UGGT1: variants seen among roughly 807,000 people sequenced by gnomAD.
The protein encoded by UGGT1 is UDP-glucose:glycoprotein glucosyltransferase 1.
UGGT1 carries 107 observed loss-of-function variants against 203.9 expected under a neutral mutation model. The ratio of observed to expected loss-of-function variants is 0.52; its 90% CI spans 0.45 to 0.62. The LOEUF (loss-of-function observed/expected upper bound fraction) is 0.62, where lower values mean the gene tolerates loss of function less well. Among genes scored for constraint, UGGT1 ranks in the 20% least tolerant of loss-of-function variants. UGGT1 has a pLI of 0.00. For missense variants in UGGT1, 1,673 were observed against 1,867.2 expected (o/e 0.90, Z 1.92); for synonymous variants, 628 against 653.5 (o/e 0.96, Z 0.59).
At position 128,170,403 on chromosome 2, in the gene UGGT1, T is replaced by C. The variant is rs1691034861; in HGVS notation, c.3024+13T>C. The C allele has an allele frequency of 1.9e-6, 3 of 1,609,502 alleles. No homozygotes were observed. Among genetic ancestry groups the C allele is most frequent in the Non-Finnish European group, 2.6e-6 (3 of 1,175,874 alleles). The stretch of plus-strand genomic sequence containing the variant: ...TCCTTTGCTCTTGGTAGGAACGCTG[T>C]GCAGGAAGTGTACATCACCTTTGTT... On this transcript the variant is annotated intron_variant, in intron 27 of 40. Coordinates refer to ENST00000259253, the MANE Select transcript of UGGT1 (RefSeq NM_020120.4).
At chr2:128,104,224 GT>G (rs1221760666) in intron 3 of UGGT1, among the ~76,000 whole-genome samples, 5 of 152,084 alleles carry the variant, frequency 3.3e-5, no homozygotes, top group Admixed American at 2.6e-4. Context: ...TGGTACCTTT[GT>G]TTTTTTCCCC....
chr2:128,092,934 A>G (rs974453521), intron 1 of UGGT1, among the ~76,000 whole-genome samples: 2 of 152,228 alleles, frequency 1.3e-5, no homozygotes, highest in Admixed American at 1.3e-4. Context: ...GTTGGCCATT[A>G]TCTCAGACTG....
intron 34 of UGGT1, 88 bp downstream of exon 34, chr2:128,178,657 T>C: frequency 8.9e-7 from 1 of 1,121,380 alleles, no homozygotes; most frequent in South Asian, 1.4e-5. Context: ...GGGATTCTGC[T>C]CATTATACTC....
At chr2:128,109,904 C>T (rs757975231) in intron 5 of UGGT1, among the ~76,000 whole-genome samples, 158 bp downstream of exon 5, 68 of 152,264 alleles carry the variant, frequency 4.5e-4, no homozygotes, top group Non-Finnish European at 6.0e-4. Context: ...ATCTCAGCTC[C>T]GTCACTTAAA....
chr2:128,114,855 A>G (rs1688027505), intron 6 of UGGT1, among the ~76,000 whole-genome samples: 2 of 152,230 alleles, frequency 1.3e-5, no homozygotes, highest in South Asian at 4.1e-4. Flanking sequence ...TAGACTCTGG[A>G]TTGATTTTTA....
rs1246982215 is a variant in UGGT1 at position 128,195,459 on chromosome 2, A to G, written c.*5717A>G. 1 of 152,250 alleles carries G rather than the reference A, an allele frequency of 6.6e-6. No homozygotes were observed. Among genetic ancestry groups the G allele is most frequent in the African/African-American group, 2.4e-5 (1 of 41,472 alleles). 9.4% of individuals were successfully genotyped at this position (152,250 alleles called of 1,614,324 possible). A position where few individuals can be genotyped will look rare whatever the true frequency, so the allele number is the denominator to read the frequency against. On this transcript the variant is annotated 3_prime_UTR_variant, in exon 41 of 41. Coordinates refer to ENST00000259253, the MANE Select transcript of UGGT1 (RefSeq NM_020120.4). ...GTTATAATTTTTAAGGAAACTGTGT[A>G]CTTTAAAAATCTTCTTTATGAATAT...
chr2:128,143,238 T>C lies in UGGT1; in HGVS notation c.1851+13T>C, dbSNP rs1182546108. ...TCGGAATCGGAAGGTAAAAAATTTCTTTGTGTTTCTTATTTGATTGCAACA... is the reference window on the plus strand; with the variant it reads ...TCGGAATCGGAAGGTAAAAAATTTCCTTGTGTTTCTTATTTGATTGCAACA... On this transcript the variant is annotated intron_variant, in intron 17 of 40. Coordinates refer to ENST00000259253, the MANE Select transcript of UGGT1 (RefSeq NM_020120.4). 1.2e-6 allele frequency: 2 copies of C among 1,612,322 alleles called. No homozygotes were observed. Among genetic ancestry groups the C allele is most frequent in the East Asian group, 2.2e-5 (1 of 44,798 alleles).
chr2:128,166,531 G>A (rs1438304024), intron 26 of UGGT1, among the ~76,000 whole-genome samples: 1 of 152,046 alleles, frequency 6.6e-6, no homozygotes, highest in African/African-American at 2.4e-5. Flanking sequence ...ACTGTTTTTT[G>A]TATTTGTTTT....
At chr2:128,096,690 G>A (rs1298417968) in intron 1 of UGGT1, among the ~76,000 whole-genome samples, 1 of 152,308 alleles carries the variant, frequency 6.6e-6, no homozygotes, top group East Asian at 1.9e-4. Flanking sequence ...TTGACATTAC[G>A]AGGTACCGGG....
chr2:128,124,551 CTTTG>C (rs1172430425), intron 11 of UGGT1, among the ~76,000 whole-genome samples: 8 of 151,728 alleles, frequency 5.3e-5, no homozygotes, highest in Non-Finnish European at 2.9e-5. Context: ...TTCTTAAATT[CTTTG>C]TTTGTGTTTC....
intron 26 of UGGT1, among the ~76,000 whole-genome samples, chr2:128,169,727 G>A (rs1337593959): frequency 6.6e-6 from 1 of 152,228 alleles, no homozygotes; most frequent in East Asian, 1.9e-4. Flanking sequence ...TTGTGTAACA[G>A]CATGTGGAAA....
chr2:128,181,154 A>G (rs1409280849), intron 36 of UGGT1, 82 bp downstream of exon 36: 1 of 1,298,252 alleles, frequency 7.7e-7, no homozygotes, highest in Non-Finnish European at 1.1e-6. Flanking sequence ...TTTTCCACTT[A>G]TGGAAAAGGA....
chr2:128,120,293 C>G, intron 8 of UGGT1, 63 bp from the exon 9 acceptor site: 2 of 1,518,640 alleles, frequency 1.3e-6, no homozygotes, highest in Non-Finnish European at 1.8e-6. Context: ...AGTTGGTTTA[C>G]TTCTTCTTAT....
chr2:128,133,074 G>A (rs1688957757), intron 13 of UGGT1, 67 bp from the exon 14 acceptor site: 8 of 1,559,562 alleles, frequency 5.1e-6, no homozygotes, highest in Admixed American at 1.8e-5. Flanking sequence ...AAGTCTTATT[G>A]ATATTATTGC....
intron 11 of UGGT1, among the ~76,000 whole-genome samples, 160 bp downstream of exon 11, chr2:128,123,406 G>A (rs1464047514): frequency 6.6e-6 from 1 of 152,134 alleles, no homozygotes; most frequent in Non-Finnish European, 1.5e-5. Flanking sequence ...TTTAATGAAA[G>A]TTCAGTATGC....
intron 31 of UGGT1, 89 bp downstream of exon 31, chr2:128,174,947 G>T: frequency 8.9e-7 from 1 of 1,122,320 alleles, no homozygotes; most frequent in East Asian, 2.5e-5. Flanking sequence ...AGTTAGCCAG[G>T]CAACATGAAT....
At chr2:128,149,781 G>T (rs144773899) in intron 18 of UGGT1, among the ~76,000 whole-genome samples, 141 of 147,214 alleles carry the variant, frequency 9.6e-4, no homozygotes, top group Middle Eastern at 3.6e-3. Context: ...GCAAGACTCC[G>T]TCTCAAGAAA....
chr2:128,100,457 A>T (rs1201695956), intron 2 of UGGT1, among the ~76,000 whole-genome samples: 1 of 151,712 alleles, frequency 6.6e-6, no homozygotes, highest in Admixed American at 6.6e-5. Flanking sequence ...CCCAGGCTGG[A>T]GTGCAATGGC....
rs770357879 is a variant in UGGT1, at chr2:128,180,968, C to G, written c.3979C>G (p.Gln1327Glu). 2.5e-6 allele frequency: 4 copies of G among 1,614,156 alleles called. No homozygotes were observed. The highest frequency in any genetic ancestry group is 1.7e-5 in the Admixed American group (1 of 60,026). Residue 1327 changes from glutamine to glutamate, a missense_variant, in exon 36 of 41, where the codon CAA (glutamine) becomes GAA (glutamate). Around this residue, in one of 4 missense-constraint regions of UGGT1, gnomAD observed 513 missense variants for 684.1 expected, o/e 0.75. Coordinates refer to ENST00000259253, the MANE Select transcript of UGGT1 (RefSeq NM_020120.4). ...GTACAAATGGCCCCGGTGGCTTCATCAACAAACTGAAAAACAGCGTATCAT... is the reference window on the plus strand; with the variant it reads ...GTACAAATGGCCCCGGTGGCTTCATGAACAAACTGAAAAACAGCGTATCAT... ...VQYKWPRWLH[Q>E]QTEKQRIIWG...
Sources: gnomAD v4.1 joint callset for allele counts (sites outside exome capture counted in the v4.1 genomes callset) on GRCh38, gnomAD v4.1.1 for gene constraint, gnomAD v4.1.1 regional missense constraint, MANE v1.5 for transcripts, NCBI Gene and HGNC (gene_info 2026-07-23, HGNC 2026-07-21) for gene names.